The following PRKG1 variants were observed in gnomAD, a reference collection of about 807,000 sequenced individuals.
PRKG1 encodes the protein cGMP-dependent protein kinase 1.
PRKG1 carries 35 observed loss-of-function variants against 88.1 expected under a neutral mutation model. The ratio of observed to expected loss-of-function variants is 0.40; its 90% CI spans 0.30 to 0.53. The LOEUF is 0.53. Ranked by LOEUF, PRKG1 falls within the 20% of genes least tolerant of loss-of-function variation. The pLI, the probability that PRKG1 is intolerant of heterozygous loss-of-function variation, is 0.59. For synonymous variants in PRKG1, 303 were observed against 292.5 expected (o/e 1.04, Z -0.37); for missense variants, 540 against 839.8 (o/e 0.64, Z 4.41).
At chr10:51,467,580 C>T in intron 2 of PRKG1, 143 bp from the exon 3 acceptor site, 3 of 551,570 alleles carry the variant, frequency 5.4e-6, no homozygotes, top group African/African-American at 1.9e-5. Flanking sequence ...TGTTTTATTT[C>T]TTGCGCTGCC....
chr10:52,027,193 C>T (rs571169739), intron 5 of PRKG1, among the ~76,000 whole-genome samples: 59 of 152,242 alleles, frequency 3.9e-4, no homozygotes, highest in African/African-American at 1.4e-3. Context: ...TAGATAATCA[C>T]TCAAGTGTAC....
chr10:52,272,336 C>A (rs1359986887), intron 11 of PRKG1, 56 bp from the exon 12 acceptor site: 2 of 1,372,358 alleles, frequency 1.5e-6, no homozygotes, highest in African/African-American at 3.0e-5. Flanking sequence ...CAAAATTGCA[C>A]ACTTGTAAAA....
chr10:52,150,552 T>C (rs1267042393), intron 8 of PRKG1, among the ~76,000 whole-genome samples: 1 of 152,212 alleles, frequency 6.6e-6, no homozygotes, highest in Non-Finnish European at 1.5e-5. Flanking sequence ...ATTTGTGACA[T>C]AAAGGGATGC....
intron 5 of PRKG1, among the ~76,000 whole-genome samples, chr10:51,933,071 A>G (rs937644082): frequency 1.3e-5 from 2 of 152,064 alleles, no homozygotes; most frequent in Admixed American, 6.5e-5. Flanking sequence ...AGCAGCCCCA[A>G]TGTGTGATAA....
chr10:51,456,366 G>T (rs545132457), intron 2 of PRKG1, among the ~76,000 whole-genome samples: 43 of 152,260 alleles, frequency 2.8e-4, no homozygotes, highest in African/African-American at 9.4e-4. Flanking sequence ...AATAAATGGT[G>T]CTGGGATAAT....
Position 52,274,713 on chromosome 10 carries a change from G to A in PRKG1, c.1403+2232G>A, listed in dbSNP as rs576030815. ...TTGAATAATGACTTCTTTTCATCTG[G>A]GTCAAATGGTAATTCTACTTTTAGT... On this transcript the variant is annotated intron_variant, in intron 12 of 17. Coordinates refer to ENST00000373980, the MANE Select transcript of PRKG1 (RefSeq NM_006258.4). 1.5e-4 allele frequency among the ~76,000 whole-genome samples: 23 copies of A among 151,876 alleles called. 1 individual carries two copies. The highest frequency in any genetic ancestry group is 5.6e-4 in the African/African-American group (23 of 41,436).
At position 51,818,745 on chromosome 10, in the gene PRKG1, C is replaced by T. The variant is rs548237610; in HGVS notation, c.698+14055C>T. 2.0e-5 allele frequency among the ~76,000 whole-genome samples: 2 copies of T among 98,934 alleles called. 1 individual carries two copies. The highest frequency in any genetic ancestry group is 1.7e-4 in the Admixed American group (2 of 11,910). The allele number at this position is 98,934 out of a possible 152,430, so 64.9% of individuals were successfully genotyped here. A position where few individuals can be genotyped will look rare whatever the true frequency, so the allele number is the denominator to read the frequency against. ...CCAGAGGGCCGGGCGCGGTGGCTCA[C>T]GCCTGTAATCCCAGCACTTTGGGAG... is the stretch of plus-strand genomic sequence containing the variant. On this transcript the variant is annotated intron_variant, in intron 4 of 17. Coordinates refer to ENST00000373980, the MANE Select transcript of PRKG1 (RefSeq NM_006258.4).
At chr10:51,308,357 T>C (rs1410974433) in intron 2 of PRKG1, among the ~76,000 whole-genome samples, 1 of 152,182 alleles carries the variant, frequency 6.6e-6, no homozygotes, top group African/African-American at 2.4e-5. Context: ...ATTTAACTTC[T>C]TTATATTTCA....
At chr10:51,516,087 G>A (rs993174270) in intron 3 of PRKG1, among the ~76,000 whole-genome samples, 2 of 152,122 alleles carry the variant, frequency 1.3e-5, no homozygotes, top group Non-Finnish European at 2.9e-5. Flanking sequence ...ATTCTTGTCT[G>A]GTGCCCAAGA....
intron 3 of PRKG1, among the ~76,000 whole-genome samples, chr10:51,623,852 G>A (rs976936314): frequency 2.0e-5 from 3 of 152,020 alleles, no homozygotes; most frequent in Non-Finnish European, 4.4e-5. Flanking sequence ...CTGACGTTGG[G>A]TTCTAATGTT....
intron 3 of PRKG1, among the ~76,000 whole-genome samples, chr10:51,611,966 T>G (rs1355882590): frequency 6.6e-6 from 1 of 152,126 alleles, no homozygotes; most frequent in African/African-American, 2.4e-5. Flanking sequence ...GATTTATTTC[T>G]TGGTTTTCTA....
intron 5 of PRKG1, among the ~76,000 whole-genome samples, chr10:52,018,005 A>T (rs1445233651): frequency 6.6e-6 from 1 of 152,174 alleles, no homozygotes. Flanking sequence ...TCACATTAAT[A>T]TTCCAGTGTA....
intron 3 of PRKG1, among the ~76,000 whole-genome samples, chr10:51,590,776 C>T (rs551877166): frequency 6.6e-6 from 1 of 151,808 alleles, no homozygotes; most frequent in Admixed American, 6.6e-5. Context: ...AGGCTTTGCG[C>T]TTCTCTTCTG....
intron 1 of PRKG1, among the ~76,000 whole-genome samples, chr10:51,003,457 G>T (rs1181414747): frequency 6.6e-6 from 1 of 152,108 alleles, no homozygotes; most frequent in African/African-American, 2.4e-5. Flanking sequence ...TGATATTAGA[G>T]CAATTAGAAA....
chr10:51,594,231 T>G (rs1384630593), intron 3 of PRKG1, among the ~76,000 whole-genome samples: 1 of 152,076 alleles, frequency 6.6e-6, no homozygotes, highest in East Asian at 1.9e-4. Context: ...GTCTTGTATA[T>G]TGCTCAGGCT....
chr10:51,280,906 G>A (rs964355083), intron 2 of PRKG1, among the ~76,000 whole-genome samples: 13 of 152,290 alleles, frequency 8.5e-5, no homozygotes, highest in East Asian at 1.9e-4. Flanking sequence ...CATTGCTGGC[G>A]AGGAGCTGCC....
At chr10:51,583,461 A>T (rs748488066) in intron 3 of PRKG1, among the ~76,000 whole-genome samples, 34 of 152,106 alleles carry the variant, frequency 2.2e-4, no homozygotes, top group Non-Finnish European at 3.1e-4. Context: ...ACCTAGACCA[A>T]AGATGTTTCC....
intron 4 of PRKG1, among the ~76,000 whole-genome samples, chr10:51,906,188 A>G (rs779195453): frequency 6.6e-6 from 1 of 152,118 alleles, no homozygotes; most frequent in African/African-American, 2.4e-5. Flanking sequence ...GAAGACCTGG[A>G]AAGGGAAATA....
intron 2 of PRKG1, among the ~76,000 whole-genome samples, chr10:51,352,517 C>T (rs1357650781): frequency 6.6e-6 from 1 of 151,868 alleles, no homozygotes; most frequent in Non-Finnish European, 1.5e-5. Context: ...AATTAAGTAC[C>T]TAGGAATTAA....
Sources: allele counts gnomAD v4.1 joint callset (sites outside exome capture counted in the v4.1 genomes callset), GRCh38; gene constraint gnomAD v4.1.1; transcripts MANE v1.5; gene names NCBI Gene and HGNC (gene_info 2026-07-23, HGNC 2026-07-21).